Variants in TMEM38B observed in about 807,000 individuals in gnomAD.
The protein encoded by TMEM38B is transmembrane protein 38B.
Under a neutral mutation model 28.7 loss-of-function variants are expected in TMEM38B, and 24 were observed. That is an observed-to-expected ratio of 0.84 (90% CI 0.61 to 1.18). The LOEUF (loss-of-function observed/expected upper bound fraction) is 1.18. TMEM38B is among the 50% of genes most tolerant of loss of function. The pLI is 0.00. For synonymous variants in TMEM38B, 131 were observed against 127.7 expected (o/e 1.03, Z -0.17); for missense variants, 380 against 350.9 (o/e 1.08, Z -0.66).
intron 1 of TMEM38B, among the ~76,000 whole-genome samples, chr9:105,696,760 A>T (rs1354703607): frequency 2.0e-5 from 3 of 152,332 alleles, no homozygotes; most frequent in African/African-American, 7.2e-5. Context: ...AGAGATGTGT[A>T]GGACAGTTGC....
intron 2 of TMEM38B, among the ~76,000 whole-genome samples, chr9:105,712,798 C>G (rs186395143): frequency 2.0e-5 from 3 of 152,210 alleles, no homozygotes; most frequent in African/African-American, 4.8e-5. Flanking sequence ...AGGGAGAAGG[C>G]GGACAGCCCC....
chr9:105,696,346 C>T (rs1408812642), intron 1 of TMEM38B, among the ~76,000 whole-genome samples: 2 of 152,030 alleles, frequency 1.3e-5, no homozygotes, highest in African/African-American at 4.8e-5. Context: ...AGTGCAGTGG[C>T]GCGATCTCGG....
At chr9:105,766,394 G>C (rs1350464123) in intron 5 of TMEM38B, among the ~76,000 whole-genome samples, 2 of 152,082 alleles carry the variant, frequency 1.3e-5, no homozygotes. Context: ...GTGTTTACTG[G>C]CCACTCACAT....
intron 4 of TMEM38B, among the ~76,000 whole-genome samples, chr9:105,734,038 A>G (rs1836876132): frequency 6.6e-6 from 1 of 151,106 alleles, no homozygotes; most frequent in African/African-American, 2.4e-5. Flanking sequence ...AATGTTAGTT[A>G]TTTATTTGAA....
At chr9:105,770,598 T>C (rs972186223) in intron 5 of TMEM38B, among the ~76,000 whole-genome samples, 13 of 152,196 alleles carry the variant, frequency 8.5e-5, no homozygotes, top group African/African-American at 2.9e-4. Flanking sequence ...GAATCATTCA[T>C]GTTAATAATT....
At chr9:105,706,672 A>T (rs1275764790) in intron 2 of TMEM38B, among the ~76,000 whole-genome samples, 1 of 152,024 alleles carries the variant, frequency 6.6e-6, no homozygotes, top group African/African-American at 2.4e-5. Flanking sequence ...GTAACAATAA[A>T]GGAATTTGTC....
intron 4 of TMEM38B, among the ~76,000 whole-genome samples, chr9:105,726,734 G>A (rs933583253): frequency 2.6e-5 from 4 of 151,878 alleles, no homozygotes; most frequent in Non-Finnish European, 5.9e-5. Context: ...TGGAGGGCTT[G>A]GTCCAATTAA....
chr9:105,710,745 C>A (rs1835870503), intron 2 of TMEM38B: 2 of 592,434 alleles, frequency 3.4e-6, no homozygotes, highest in South Asian at 3.0e-5. Context: ...TCCTGACAAA[C>A]AGAGACATGT....
chr9:105,762,343 G>A (rs1371530631), intron 5 of TMEM38B, among the ~76,000 whole-genome samples: 1 of 150,550 alleles, frequency 6.6e-6, no homozygotes, highest in Non-Finnish European at 1.5e-5. Flanking sequence ...TGCCATGCTG[G>A]TGCGCTGCAC....
chr9:105,733,546 T>G (rs1306636736), intron 4 of TMEM38B, among the ~76,000 whole-genome samples: 2 of 152,012 alleles, frequency 1.3e-5, no homozygotes, highest in East Asian at 3.9e-4. Flanking sequence ...ATATTGGTAT[T>G]AATTCTGTTT....
intron 5 of TMEM38B, among the ~76,000 whole-genome samples, chr9:105,757,624 A>T (rs909334750): frequency 1.3e-5 from 2 of 152,232 alleles, no homozygotes; most frequent in African/African-American, 2.4e-5. Flanking sequence ...AGTGTGGGTT[A>T]TCTATTGGCT....
At chr9:105,764,350 A>G (rs1266184570) in intron 5 of TMEM38B, among the ~76,000 whole-genome samples, 1 of 152,158 alleles carries the variant, frequency 6.6e-6, no homozygotes, top group Non-Finnish European at 1.5e-5. Context: ...CTCAGCCCGA[A>G]ATCTCCTTAA....
chr9:105,767,776 C>A (rs1826422609), intron 5 of TMEM38B, among the ~76,000 whole-genome samples: 1 of 152,114 alleles, frequency 6.6e-6, no homozygotes, highest in South Asian at 2.1e-4. Flanking sequence ...AATAATCTTA[C>A]ACATTGTTCT....
chr9:105,758,104 G>A, intron 5 of TMEM38B: 1 of 441,750 alleles, frequency 2.3e-6, no homozygotes, highest in Non-Finnish European at 4.1e-6. Flanking sequence ...CCACTGCCCA[G>A]GCCGCTGGGC....
chr9:105,757,720 G>C (rs1430016271), intron 5 of TMEM38B, among the ~76,000 whole-genome samples: 2 of 152,184 alleles, frequency 1.3e-5, no homozygotes, highest in East Asian at 1.9e-4. Context: ...CTGAAAAGAG[G>C]CTGTTGGGTT....
chr9:105,761,445 T>C (rs1838044920), intron 5 of TMEM38B, among the ~76,000 whole-genome samples: 1 of 152,224 alleles, frequency 6.6e-6, no homozygotes, highest in Non-Finnish European at 1.5e-5. Flanking sequence ...GGCAATCATA[T>C]ATTCATTTAA....
At chr9:105,694,831 C>CT (rs1835223883) in intron 1 of TMEM38B, 59 bp downstream of exon 1, 2 of 216,434 alleles carry the variant, frequency 9.2e-6, no homozygotes, top group Non-Finnish European at 1.6e-5. Flanking sequence ...CGAGGACCGT[C>CT]TAAGTCGGGT....
chr9:105,713,734 C>T (rs1835992431), intron 2 of TMEM38B, among the ~76,000 whole-genome samples: 1 of 152,206 alleles, frequency 6.6e-6, no homozygotes, highest in Admixed American at 6.5e-5. Flanking sequence ...GCTGCCAGTC[C>T]TGCCACCAGA....
chr9:105,736,235 A>G (rs766710804), intron 4 of TMEM38B, among the ~76,000 whole-genome samples: 10 of 152,020 alleles, frequency 6.6e-5, no homozygotes, highest in Non-Finnish European at 1.2e-4. Context: ...AGCTTTCATA[A>G]TGTGAAAATT....
Sources: allele counts gnomAD v4.1 joint callset (sites outside exome capture counted in the v4.1 genomes callset), GRCh38; gene constraint gnomAD v4.1.1; transcripts MANE v1.5; gene names NCBI Gene and HGNC (gene_info 2026-07-23, HGNC 2026-07-21).